The following SUPT3H variants were observed in gnomAD, a reference collection of about 807,000 sequenced individuals.
The protein encoded by SUPT3H is SPT3 homolog, SAGA and STAGA complex component.
A neutral mutation model predicts 44.3 loss-of-function variants in SUPT3H; 44 were observed. That is an observed-to-expected ratio of 0.99 (90% CI 0.78 to 1.28). The LOEUF is 1.28. Among genes scored for constraint, SUPT3H ranks in the 50% most tolerant of loss-of-function variants. SUPT3H has a pLI of 0.00. For synonymous variants in SUPT3H, 124 were observed against 125.6 expected, an observed-to-expected ratio of 0.99 and a Z score of 0.09; for missense variants, 380 against 387.1, an observed-to-expected ratio of 0.98 and a Z score of 0.15.
At position 44,999,939 on chromosome 6, in the gene SUPT3H, CCT is replaced by C. The variant is rs573533305; in HGVS notation, c.504+3712_504+3713del. 2.2e-3 allele frequency among the ~76,000 whole-genome samples: 329 copies of C among 151,966 alleles called. 1 individual carries two copies. The highest frequency in any genetic ancestry group is 7.6e-3 in the African/African-American group (315 of 41,482). On this transcript the variant is annotated intron_variant, in intron 6 of 10. Transcript: ENST00000371459. ...AGTATTACAGGGTTTGTATGATATA[CCT>C]CTGATTGTTCTTTAACTTTTACCTT...
chr6:45,370,442 C>A (rs1795873084), intron 1 of SUPT3H, among the ~76,000 whole-genome samples: 1 of 151,788 alleles, frequency 6.6e-6, no homozygotes, highest in South Asian at 2.1e-4. Context: ...AACTATTAGA[C>A]ATTCAAGTGG....
chr6:45,274,786 A>C (rs1044557664), intron 2 of SUPT3H, among the ~76,000 whole-genome samples: 2 of 152,114 alleles, frequency 1.3e-5, no homozygotes, highest in African/African-American at 4.8e-5. Flanking sequence ...TTGGAGGCTG[A>C]GGTGGGAGCA....
chr6:45,252,581 A>T (rs1432914316), intron 2 of SUPT3H, among the ~76,000 whole-genome samples: 1 of 152,092 alleles, frequency 6.6e-6, no homozygotes, highest in African/African-American at 2.4e-5. Context: ...CACAGTAGAC[A>T]CCTAAACATG....
At chr6:45,297,499 T>A (rs567727216) in intron 2 of SUPT3H, among the ~76,000 whole-genome samples, 1 of 152,272 alleles carries the variant, frequency 6.6e-6, no homozygotes, top group East Asian at 1.9e-4. Flanking sequence ...ACACTAGGAG[T>A]CCCTCTGTCA....
At chr6:45,325,266 C>A (rs183261014) in intron 2 of SUPT3H, among the ~76,000 whole-genome samples, 170 of 151,526 alleles carry the variant, frequency 1.1e-3, no homozygotes, top group African/African-American at 3.7e-3. Context: ...CTAAAATAAT[C>A]CTTAAAAAAA....
chr6:45,277,425 A>AT (rs962341383), intron 2 of SUPT3H, among the ~76,000 whole-genome samples: 9 of 152,000 alleles, frequency 5.9e-5, no homozygotes, highest in African/African-American at 1.7e-4. Context: ...AGAAAAGAGA[A>AT]TTTTTTTTGT....
chr6:45,115,882 T>C (rs1373535074), intron 2 of SUPT3H, among the ~76,000 whole-genome samples: 1 of 152,166 alleles, frequency 6.6e-6, no homozygotes, highest in Non-Finnish European at 1.5e-5. Flanking sequence ...TCTGTAGCCA[T>C]GGCAATAAAC....
chr6:45,023,593 A>G (rs1405381852), intron 3 of SUPT3H, among the ~76,000 whole-genome samples: 1 of 152,212 alleles, frequency 6.6e-6, no homozygotes, highest in Non-Finnish European at 1.5e-5. Context: ...TTATGCAGCC[A>G]CAAAAAAGAA....
chr6:45,312,811 T>C (rs1784170613), intron 2 of SUPT3H, among the ~76,000 whole-genome samples: 1 of 151,854 alleles, frequency 6.6e-6, no homozygotes, highest in Non-Finnish European at 1.5e-5. Flanking sequence ...ATACAGAACA[T>C]TTCATCCAAC....
intron 3 of SUPT3H, among the ~76,000 whole-genome samples, chr6:45,083,518 T>C (rs1796099970): frequency 6.6e-6 from 1 of 152,052 alleles, no homozygotes; most frequent in Non-Finnish European, 1.5e-5. Context: ...AAAGGCCATA[T>C]GGCTTAAAGC....
At chr6:45,045,499 T>C (rs1477535365) in intron 3 of SUPT3H, among the ~76,000 whole-genome samples, 1 of 152,190 alleles carries the variant, frequency 6.6e-6, no homozygotes, top group Non-Finnish European at 1.5e-5. Flanking sequence ...ACATTGATTT[T>C]CTATCCTGAG....
intron 10 of SUPT3H, among the ~76,000 whole-genome samples, chr6:44,910,707 A>C (rs1766880154): frequency 6.6e-6 from 1 of 150,942 alleles, no homozygotes; most frequent in Non-Finnish European, 1.5e-5. Flanking sequence ...AAAAAAAAAA[A>C]AGGGGGCCAG....
At chr6:45,288,591 ATATATGTGTATATATATATATG>A (rs1562882841) in intron 2 of SUPT3H, among the ~76,000 whole-genome samples, 44 of 36,752 alleles carry the variant, frequency 1.2e-3, no homozygotes, top group East Asian at 4.4e-3. Context: ...ATGTATATAT[ATATATGTGTATATATATATATG>A]TATATATATA....
At chr6:45,106,156 G>T (rs981869141) in intron 2 of SUPT3H, 150 bp from the exon 3 acceptor site, 2 of 652,626 alleles carry the variant, frequency 3.1e-6, no homozygotes, top group Non-Finnish European at 5.3e-6. Context: ...TCTTGGCCAG[G>T]TGTGGTGGCT....
chr6:45,312,987 C>G (rs1205639425), intron 2 of SUPT3H, among the ~76,000 whole-genome samples: 2 of 152,070 alleles, frequency 1.3e-5, no homozygotes, highest in African/African-American at 4.8e-5. Flanking sequence ...CAAAAGGAAC[C>G]CTCAAAACCA....
chr6:45,244,597 C>A (rs935558635), intron 2 of SUPT3H, among the ~76,000 whole-genome samples: 1 of 152,134 alleles, frequency 6.6e-6, no homozygotes, highest in Admixed American at 6.5e-5. Context: ...ATACCTTCTA[C>A]ACTAATTTTA....
At chr6:44,973,577 T>C (rs1433353007) in intron 6 of SUPT3H, among the ~76,000 whole-genome samples, 1 of 152,218 alleles carries the variant, frequency 6.6e-6, no homozygotes, top group Non-Finnish European at 1.5e-5. Context: ...CCTTGGCCTG[T>C]TACCAACTTC....
chr6:45,287,080 C>T (rs1247650186), intron 2 of SUPT3H, among the ~76,000 whole-genome samples: 3 of 151,828 alleles, frequency 2.0e-5, no homozygotes, highest in Non-Finnish European at 4.4e-5. Flanking sequence ...CATCACACAC[C>T]GGAGCCTGTT....
At chr6:45,016,164 C>T (rs547388502) in intron 4 of SUPT3H, among the ~76,000 whole-genome samples, 4 of 152,010 alleles carry the variant, frequency 2.6e-5, no homozygotes, top group Middle Eastern at 3.4e-3. Context: ...ACCACAAAGT[C>T]GAGTCATGCA....
Sources: allele counts gnomAD v4.1 joint callset (sites outside exome capture counted in the v4.1 genomes callset), GRCh38; gene constraint gnomAD v4.1.1; transcripts MANE v1.5; gene names NCBI Gene and HGNC (gene_info 2026-07-23, HGNC 2026-07-21).